Variants in PLCH1 observed in about 807,000 individuals in gnomAD.
The protein encoded by PLCH1 is phospholipase C eta 1.
PLCH1 carries 60 observed loss-of-function variants against 126.7 expected under a neutral mutation model. The ratio of observed to expected loss-of-function variants is 0.47; its 90% CI spans 0.38 to 0.59. The LOEUF (loss-of-function observed/expected upper bound fraction) is 0.59. Ranked by LOEUF, PLCH1 falls within the 20% of genes least tolerant of loss-of-function variation. The pLI, the probability that PLCH1 is intolerant of heterozygous loss-of-function variation, is 0.00. For missense variants in PLCH1, 1,723 were observed against 2,040.0 expected (o/e 0.84, Z 2.99); for synonymous variants, 719 against 734.9 (o/e 0.98, Z 0.35).
intron 11 of PLCH1, among the ~76,000 whole-genome samples, chr3:155,519,562 G>A (rs964376672): frequency 6.6e-6 from 1 of 151,916 alleles, no homozygotes; most frequent in Non-Finnish European, 1.5e-5. Flanking sequence ...TCCTTGAAAG[G>A]AACCTTCCAA....
chr3:155,665,247 T>C (rs1742596109), intron 2 of PLCH1, among the ~76,000 whole-genome samples: 1 of 152,148 alleles, frequency 6.6e-6, no homozygotes, highest in Non-Finnish European at 1.5e-5. Flanking sequence ...ACACTTGTAT[T>C]AGACTGGGAA....
At chr3:155,714,289 G>A (rs1471681140) in intron 1 of PLCH1, among the ~76,000 whole-genome samples, 1 of 151,954 alleles carries the variant, frequency 6.6e-6, no homozygotes, top group African/African-American at 2.4e-5. Context: ...CAGGGATGGG[G>A]TGGGAGGGGC....
chr3:155,566,272 C>CACAT (rs1553839285), intron 7 of PLCH1, among the ~76,000 whole-genome samples: 1 of 27,652 alleles, frequency 3.6e-5, no homozygotes, highest in East Asian at 1.4e-3. Context: ...CATATATATA[C>CACAT]ATATATACAT....
chr3:155,603,034 G>A lies in PLCH1; in HGVS notation c.80-6656C>T, dbSNP rs115507480. 6.4e-3 allele frequency among the ~76,000 whole-genome samples: 979 copies of A among 152,168 alleles called. 15 individuals are homozygous for A. Among genetic ancestry groups the A allele is most frequent in the African/African-American group, 0.022 (925 of 41,482 alleles). On this transcript the variant is annotated intron_variant, in intron 2 of 22. Transcript: ENST00000460012. ...GACAGATTTTCACATACAGAATCATGACCATTCGCCGAGATTAGGGTCATA... is the reference window on the plus strand; with the variant it reads ...GACAGATTTTCACATACAGAATCATAACCATTCGCCGAGATTAGGGTCATA...
At chr3:155,519,160 GA>G (rs1455017087) in intron 11 of PLCH1, among the ~76,000 whole-genome samples, 5 of 152,134 alleles carry the variant, frequency 3.3e-5, no homozygotes, top group African/African-American at 1.2e-4. Flanking sequence ...TAGCACTACT[GA>G]AAGGAAGCTA....
At chr3:155,727,047 A>G (rs1286596764) in intron 1 of PLCH1, among the ~76,000 whole-genome samples, 1 of 151,576 alleles carries the variant, frequency 6.6e-6, no homozygotes, top group Admixed American at 6.6e-5. Flanking sequence ...TTTTCTATGC[A>G]GCTTGGATTT....
chr3:155,479,562 C>T (rs1713712869), downstream of PLCH1, among the ~76,000 whole-genome samples: 1 of 151,652 alleles, frequency 6.6e-6, no homozygotes. Flanking sequence ...CCACCCACGA[C>T]CACCACCACC....
intron 21 of PLCH1, among the ~76,000 whole-genome samples, chr3:155,472,161 C>A (rs925997865): frequency 6.6e-6 from 1 of 151,630 alleles, no homozygotes; most frequent in African/African-American, 2.4e-5. Context: ...AAAGGATCAA[C>A]AAAATTGATA....
intron 1 of PLCH1, chr3:155,742,182 A>G (rs1017799727): frequency 6.6e-6 from 1 of 152,216 alleles, no homozygotes; most frequent in African/African-American, 2.4e-5. Context: ...ATCTTGCCTT[A>G]TATATAATAC....
downstream of PLCH1, among the ~76,000 whole-genome samples, chr3:155,475,674 A>G (rs1713515360): frequency 1.3e-5 from 2 of 152,182 alleles, no homozygotes; most frequent in Non-Finnish European, 2.9e-5. Context: ...ATTAGTGGCT[A>G]CCATGAGCAA....
At chr3:155,622,008 G>C (rs893480792) in intron 2 of PLCH1, among the ~76,000 whole-genome samples, 1 of 152,216 alleles carries the variant, frequency 6.6e-6, no homozygotes, top group Non-Finnish European at 1.5e-5. Context: ...AGGGCAGCCA[G>C]AGAGAAAAGT....
intron 21 of PLCH1, among the ~76,000 whole-genome samples, chr3:155,465,597 C>A (rs74484896): frequency 2.6e-5 from 4 of 151,628 alleles, no homozygotes; most frequent in Admixed American, 2.0e-4. Flanking sequence ...TTGAGAAAGG[C>A]GAGGGAAAAG....
chr3:155,524,237 G>T (rs559870799), intron 10 of PLCH1, among the ~76,000 whole-genome samples: 1 of 152,296 alleles, frequency 6.6e-6, no homozygotes, highest in Admixed American at 6.5e-5. Flanking sequence ...AAAGTGTATT[G>T]TATGATTCCA....
intron 2 of PLCH1, among the ~76,000 whole-genome samples, chr3:155,605,165 T>G (rs1003770515): frequency 1.3e-5 from 2 of 152,192 alleles, no homozygotes; most frequent in Non-Finnish European, 2.9e-5. Flanking sequence ...ACTCTCTCTT[T>G]GTCTCCACCA....
At chr3:155,734,305 A>G (rs189239765) in intron 1 of PLCH1, among the ~76,000 whole-genome samples, 6 of 151,948 alleles carry the variant, frequency 3.9e-5, no homozygotes, top group Admixed American at 1.3e-4. Context: ...TTAAAAATAA[A>G]AATAAATAGA....
At chr3:155,468,150 CTTGTTTGT>C (rs1260487775) in intron 21 of PLCH1, among the ~76,000 whole-genome samples, 1 of 152,112 alleles carries the variant, frequency 6.6e-6, no homozygotes, top group African/African-American at 2.4e-5. Context: ...TTTCCTTTTG[CTTGTTTGT>C]TTATGCAAAT....
chr3:155,655,838 A>C (rs1400491957), intron 2 of PLCH1, among the ~76,000 whole-genome samples: 3 of 152,218 alleles, frequency 2.0e-5, no homozygotes, highest in Non-Finnish European at 4.4e-5. Context: ...AAAGAATTAA[A>C]GATGAAATTT....
chr3:155,493,574 C>T lies in PLCH1; in HGVS notation c.2182+567G>A, dbSNP rs111266079. 6.4e-4 allele frequency among the ~76,000 whole-genome samples: 97 copies of T among 152,164 alleles called. 1 individual carries two copies. Among genetic ancestry groups the T allele is most frequent in the African/African-American group, 2.2e-3 (92 of 41,516 alleles). ...AGCTAATTCTGATTTTCAGTAGAGA[C>T]GGCGTTTTACCATGTTGGCCAGGCT... is the stretch of plus-strand genomic sequence containing the variant. On this transcript the variant is annotated intron_variant, in intron 17 of 22. Coordinates refer to ENST00000460012, the MANE Select transcript of PLCH1 (RefSeq NM_014996.4).
At chr3:155,512,146 C>T (rs555390573) in intron 12 of PLCH1, among the ~76,000 whole-genome samples, 3 of 151,678 alleles carry the variant, frequency 2.0e-5, no homozygotes, top group Middle Eastern at 3.4e-3. Context: ...TTCTTTGACT[C>T]GGAAAGGGAA....
Sources: allele counts gnomAD v4.1 joint callset (sites outside exome capture counted in the v4.1 genomes callset), GRCh38; gene constraint gnomAD v4.1.1; transcripts MANE v1.5; gene names NCBI Gene and HGNC (gene_info 2026-07-23, HGNC 2026-07-21).